SLC26A7: variants seen among roughly 807,000 people sequenced by gnomAD.
The protein encoded by SLC26A7 is anion exchange transporter.
Under a neutral mutation model 82.5 loss-of-function variants are expected in SLC26A7, and 59 were observed. That is an observed-to-expected ratio of 0.72 (90% CI 0.58 to 0.89). The LOEUF is 0.89. Ranked by LOEUF, SLC26A7 falls within the 40% of genes least tolerant of loss-of-function variation. The probability of loss-of-function intolerance (pLI) is 0.00; values close to 1 mark genes in which losing one functional copy is unlikely to be tolerated. For synonymous variants in SLC26A7, 271 were observed against 274.3 expected, an observed-to-expected ratio of 0.99 and a Z score of 0.12; for missense variants, 820 against 793.0, an observed-to-expected ratio of 1.03 and a Z score of -0.41.
At chr8:91,222,967 C>CT (rs550135789) in intron 2 of SLC26A7, among the ~76,000 whole-genome samples, 5 of 151,210 alleles carry the variant, frequency 3.3e-5, no homozygotes, top group East Asian at 1.9e-4. Flanking sequence ...TGGTCCTGGA[C>CT]TTTTTTTTTG....
At chr8:91,394,422 C>A in intron 18 of SLC26A7, 1 of 1,434,842 alleles carries the variant, frequency 7.0e-7, no homozygotes. Flanking sequence ...GCTCTGATAT[C>A]TTGCCTCTAA....
In SLC26A7 at chr8:91,371,867, C is replaced by A. The variant is rs553724825; in HGVS notation, c.1675+2034C>A. Reference sequence around the variant, plus strand: ...TTACATTCCCACCTACAGTGTGTAACCATTTCCTTTTCTCCATATACTTAC... The same window carrying A: ...TTACATTCCCACCTACAGTGTGTAAACATTTCCTTTTCTCCATATACTTAC... On this transcript the variant is annotated intron_variant, in intron 15 of 18. Transcript: ENST00000276609. 2.0e-5 allele frequency among the ~76,000 whole-genome samples: 3 copies of A among 151,876 alleles called. 1 individual carries two copies. The South Asian group carries it at 6.2e-4, about 31-fold the overall frequency.
chr8:91,300,437 A>G lies in SLC26A7; in HGVS notation c.477+4734A>G, dbSNP rs373306703. Reference sequence around the variant, plus strand: ...TTTTGAGACGGAGTCTTGCTCTGTCACCCAGGCTGGAGTGCAGGGGCGCGA... The same window carrying G: ...TTTTGAGACGGAGTCTTGCTCTGTCGCCCAGGCTGGAGTGCAGGGGCGCGA... On this transcript the variant is annotated intron_variant, in intron 4 of 18. Transcript: ENST00000276609. 2.3e-3 allele frequency among the ~76,000 whole-genome samples: 346 copies of G among 150,288 alleles called. 3 individuals carry two copies. In the East Asian group the frequency reaches 0.053, roughly 23 times the overall value.
chr8:91,384,256 T>C (rs1316951458), intron 15 of SLC26A7, among the ~76,000 whole-genome samples: 1 of 152,074 alleles, frequency 6.6e-6, no homozygotes, highest in Non-Finnish European at 1.5e-5. Flanking sequence ...ATTCCTTGGG[T>C]CATGGCCCTG....
intron 2 of SLC26A7, among the ~76,000 whole-genome samples, chr8:91,255,670 C>A (rs1810782021): frequency 6.6e-6 from 1 of 152,128 alleles, no homozygotes; most frequent in Non-Finnish European, 1.5e-5. Flanking sequence ...TCCCATGACC[C>A]AATCCCTCAC....
chr8:91,338,659 T>C (rs1212359994), intron 7 of SLC26A7, among the ~76,000 whole-genome samples: 1 of 152,076 alleles, frequency 6.6e-6, no homozygotes, highest in African/African-American at 2.4e-5. Flanking sequence ...CTGGGTAGTA[T>C]ATAATAATGA....
At chr8:91,278,014 A>G (rs970871910) in intron 2 of SLC26A7, among the ~76,000 whole-genome samples, 1 of 152,144 alleles carries the variant, frequency 6.6e-6, no homozygotes, top group Admixed American at 6.5e-5. Context: ...GCTGACTGCC[A>G]TATCGTTGGG....
At chr8:91,393,736 C>G in intron 16 of SLC26A7, 61 bp from the exon 17 acceptor site, 5 of 1,563,350 alleles carry the variant, frequency 3.2e-6, no homozygotes, top group Non-Finnish European at 4.4e-6. Context: ...TGAAGCCCAT[C>G]TTATTTCCTC....
At chr8:91,312,641 CTGTGTGTGTGTGTG>C (rs56386837) in intron 4 of SLC26A7, among the ~76,000 whole-genome samples, 26 of 149,654 alleles carry the variant, frequency 1.7e-4, no homozygotes, top group Admixed American at 1.1e-3. Context: ...GTAGGTGTGT[CTGTGTGTGTGTGTG>C]TGTGTGTGTG....
intron 15 of SLC26A7, among the ~76,000 whole-genome samples, chr8:91,379,135 T>G (rs1021834774): frequency 5.3e-5 from 8 of 152,056 alleles, no homozygotes; most frequent in African/African-American, 1.9e-4. Flanking sequence ...TGTACAACTT[T>G]ATTATGAGAC....
intron 3 of SLC26A7, 44 bp from the exon 4 acceptor site, chr8:91,295,487 A>T: frequency 6.3e-7 from 1 of 1,575,928 alleles, no homozygotes; most frequent in Non-Finnish European, 8.6e-7. Context: ...TGAGCCTTTA[A>T]ATCAAATTAC....
At chr8:91,368,712 C>T (rs757175925) in intron 14 of SLC26A7, among the ~76,000 whole-genome samples, 1 of 152,112 alleles carries the variant, frequency 6.6e-6, no homozygotes, top group Non-Finnish European at 1.5e-5. Flanking sequence ...CGTGAGCCAC[C>T]ACGCCCGGCC....
At chr8:91,250,197 C>A (rs898691326) in intron 2 of SLC26A7, among the ~76,000 whole-genome samples, 5 of 151,978 alleles carry the variant, frequency 3.3e-5, no homozygotes, top group African/African-American at 9.7e-5. Flanking sequence ...ATAAAATACT[C>A]CTGGCTTGAA....
At chr8:91,394,867 T>C (rs1808526213) in intron 18 of SLC26A7, 195 bp from the exon 19 acceptor site, 4 of 789,790 alleles carry the variant, frequency 5.1e-6, no homozygotes, top group Admixed American at 3.4e-5. Context: ...CTGTAAGTGG[T>C]AGAGCTGGTT....
intron 2 of SLC26A7, among the ~76,000 whole-genome samples, chr8:91,233,281 GA>G (rs1182479224): frequency 7.9e-5 from 12 of 152,146 alleles, no homozygotes; most frequent in Admixed American, 2.6e-4. Flanking sequence ...AAATGTGGGA[GA>G]GGGGCAGGGC....
intron 4 of SLC26A7, among the ~76,000 whole-genome samples, chr8:91,302,794 GA>G (rs1812202732): frequency 6.8e-6 from 1 of 147,810 alleles, no homozygotes; most frequent in African/African-American, 2.5e-5. Context: ...TTATAAAAAT[GA>G]ATGTAATGTC....
At chr8:91,370,628 C>T (rs1814331335) in intron 15 of SLC26A7, among the ~76,000 whole-genome samples, 2 of 151,960 alleles carry the variant, frequency 1.3e-5, no homozygotes, top group Non-Finnish European at 2.9e-5. Flanking sequence ...GTTTAATTAT[C>T]TTTCTTTGCA....
chr8:91,392,367 C>T (rs545459410), intron 16 of SLC26A7, among the ~76,000 whole-genome samples: 3 of 152,094 alleles, frequency 2.0e-5, no homozygotes, highest in South Asian at 2.1e-4. Context: ...ACTTGCTTTT[C>T]GGTAAACTGG....
intron 2 of SLC26A7, among the ~76,000 whole-genome samples, chr8:91,233,634 A>G (rs1380032346): frequency 6.6e-6 from 1 of 152,106 alleles, no homozygotes; most frequent in Non-Finnish European, 1.5e-5. Context: ...GGGGTGTGGA[A>G]CCTGAAATCT....
Sources: allele counts gnomAD v4.1 joint callset (sites outside exome capture counted in the v4.1 genomes callset), GRCh38; gene constraint gnomAD v4.1.1; transcripts MANE v1.5; gene names NCBI Gene and HGNC (gene_info 2026-07-23, HGNC 2026-07-21).